COMMD10: variants seen among roughly 807,000 people sequenced by gnomAD.
COMMD10 encodes COMM domain containing 10.
Under a neutral mutation model 28.9 loss-of-function variants are expected in COMMD10, and 33 were observed. The observed-to-expected ratio is 1.14, with a 90% CI of 0.87 to 1.53. COMMD10 has a LOEUF of 1.53. COMMD10 is among the 40% of genes most tolerant of loss of function. COMMD10 has a pLI of 0.00. For synonymous variants in COMMD10, 110 were observed against 81.7 expected, an observed-to-expected ratio of 1.35 and a Z score of -1.87; for missense variants, 310 against 233.4, an observed-to-expected ratio of 1.33 and a Z score of -2.14.
chr5:116,222,809 A>G (rs528151762), intron 5 of COMMD10, among the ~76,000 whole-genome samples: 6 of 152,222 alleles, frequency 3.9e-5, no homozygotes, highest in Non-Finnish European at 7.4e-5. Context: ...CTCCTGCCTC[A>G]GCCTCCCAAG....
At chr5:116,106,897 A>T (rs936319802) in intron 4 of COMMD10, among the ~76,000 whole-genome samples, 2 of 152,108 alleles carry the variant, frequency 1.3e-5, no homozygotes, top group African/African-American at 4.8e-5. Context: ...GGTCTCCTGA[A>T]TACAGCACAC....
chr5:116,209,991 C>G (rs571423450), intron 5 of COMMD10, among the ~76,000 whole-genome samples: 54 of 152,278 alleles, frequency 3.5e-4, no homozygotes, highest in African/African-American at 1.2e-3. Context: ...ATGCTGGCAT[C>G]TGGTAAGGGC....
intron 5 of COMMD10, among the ~76,000 whole-genome samples, chr5:116,222,057 G>T (rs1008782111): frequency 6.6e-6 from 1 of 152,170 alleles, no homozygotes; most frequent in African/African-American, 2.4e-5. Flanking sequence ...AAGTGTATAT[G>T]TTCCAAATAG....
chr5:116,172,135 G>C (rs533117909), intron 5 of COMMD10, among the ~76,000 whole-genome samples: 1 of 152,212 alleles, frequency 6.6e-6, no homozygotes, highest in South Asian at 2.1e-4. Context: ...CTTTATTATA[G>C]TACATATGGT....
chr5:116,098,878 T>A (rs1451412799), intron 4 of COMMD10, among the ~76,000 whole-genome samples: 2 of 152,222 alleles, frequency 1.3e-5, no homozygotes, highest in Non-Finnish European at 2.9e-5. Flanking sequence ...AATGTGATGA[T>A]TTGATAGCTG....
At chr5:116,282,408 T>G (rs1751095169) in intron 5 of COMMD10, among the ~76,000 whole-genome samples, 1 of 151,934 alleles carries the variant, frequency 6.6e-6, no homozygotes, top group African/African-American at 2.4e-5. Context: ...CTAATTCATT[T>G]CCAAATAAAA....
intron 5 of COMMD10, among the ~76,000 whole-genome samples, chr5:116,251,284 T>TTATA (rs1206612146): frequency 6.7e-6 from 1 of 148,324 alleles, no homozygotes; most frequent in African/African-American, 2.4e-5. Context: ...ATTTATTTAT[T>TTATA]TATTTATTTA....
At chr5:116,105,336 G>C (rs1407100890) in intron 4 of COMMD10, among the ~76,000 whole-genome samples, 1 of 152,190 alleles carries the variant, frequency 6.6e-6, no homozygotes, top group Admixed American at 6.5e-5. Flanking sequence ...TAAGCTATTT[G>C]ATGTGCTGCT....
intron 5 of COMMD10, among the ~76,000 whole-genome samples, chr5:116,291,088 G>GT (rs1326108558): frequency 6.6e-6 from 1 of 152,168 alleles, no homozygotes; most frequent in East Asian, 1.9e-4. Flanking sequence ...CTTGGAGGCA[G>GT]TAGCTGTGCT....
chr5:116,220,455 A>G (rs768354847), intron 5 of COMMD10, among the ~76,000 whole-genome samples: 3 of 152,024 alleles, frequency 2.0e-5, no homozygotes, highest in Non-Finnish European at 4.4e-5. Context: ...AGAGGTGAAC[A>G]TCGTAGATAA....
chr5:116,145,556 A>G lies in COMMD10; in HGVS notation c.510+11378A>G, dbSNP rs150961848. On this transcript the variant is annotated intron_variant, in intron 5 of 6. Coordinates refer to ENST00000274458, the MANE Select transcript of COMMD10 (RefSeq NM_016144.4). Reference sequence around the variant, plus strand: ...TCGGGGCAGGGTGGTAAGTGATGAGAGGGAGAAACTATCTAGAAATATGCT... The same window carrying G: ...TCGGGGCAGGGTGGTAAGTGATGAGGGGGAGAAACTATCTAGAAATATGCT... Among the ~76,000 whole-genome samples the G allele has an allele frequency of 9.2e-5, 14 of 151,870 alleles. No individual in the cohort carries two copies. In the East Asian group the frequency reaches 2.7e-3, roughly 30 times the overall value.
chr5:116,254,167 G>A (rs1004488969), intron 5 of COMMD10, among the ~76,000 whole-genome samples: 32 of 151,732 alleles, frequency 2.1e-4, no homozygotes, highest in African/African-American at 6.3e-4. Context: ...TTTTTATTGC[G>A]TCTATTTGAT....
In COMMD10 at chr5:116,237,158, T is replaced by C. The variant is rs192486597; in HGVS notation, c.511-54359T>C. Reference sequence around the variant, plus strand: ...CTAGTACAAGGATCCTAAAGCAGAATGTCTCTGATATGTTTGATGAACAGC... The same window carrying C: ...CTAGTACAAGGATCCTAAAGCAGAACGTCTCTGATATGTTTGATGAACAGC... On this transcript the variant is annotated intron_variant, in intron 5 of 6. Transcript: ENST00000274458. Among the ~76,000 whole-genome samples, 19 of 152,210 alleles carry C rather than the reference T, an allele frequency of 1.2e-4. No individual in the cohort carries two copies. In the East Asian group the frequency reaches 3.5e-3, roughly 28 times the overall value.
At chr5:116,104,106 C>G (rs1337626425) in intron 4 of COMMD10, among the ~76,000 whole-genome samples, 1 of 152,148 alleles carries the variant, frequency 6.6e-6, no homozygotes, top group Non-Finnish European at 1.5e-5. Context: ...TGTTCTTTTG[C>G]TTAGGATTGT....
chr5:116,218,038 A>T lies in COMMD10; in HGVS notation c.511-73479A>T, dbSNP rs556515770. 42 of 1,101,514 alleles carry T rather than the reference A, an allele frequency of 3.8e-5. No individual in the cohort carries two copies. In the African/African-American group the frequency reaches 4.7e-4, roughly 12 times the overall value. The allele number at this position is 1,101,514 out of a possible 1,614,324, so 68.2% of individuals were successfully genotyped here. On this transcript the variant is annotated intron_variant, in intron 5 of 6. Transcript: ENST00000274458. ...TGCACACACTTCTCTTGGCACCTCC[A>T]GCACCTTCAGCTTTCTGTGCCTGAT... is the stretch of plus-strand genomic sequence containing the variant.
chr5:116,099,025 A>G (rs1489015937), intron 4 of COMMD10, among the ~76,000 whole-genome samples: 1 of 152,128 alleles, frequency 6.6e-6, no homozygotes, highest in African/African-American at 2.4e-5. Flanking sequence ...AAAGTAAACA[A>G]CGTGGTATTA....
chr5:116,256,656 T>G lies in COMMD10; in HGVS notation c.511-34861T>G, dbSNP rs369129613. Among the ~76,000 whole-genome samples, 43 of 151,984 alleles carry G rather than the reference T, an allele frequency of 2.8e-4. 1 individual carries two copies. In the South Asian group the frequency reaches 8.3e-3, roughly 29 times the overall value. On this transcript the variant is annotated intron_variant, in intron 5 of 6. Transcript: ENST00000274458. Reference sequence around the variant, plus strand: ...TGGATTTTTTCATATTTTGTAATGTTTTCATACACGTAATGAGATATGTTG... The same window carrying G: ...TGGATTTTTTCATATTTTGTAATGTGTTCATACACGTAATGAGATATGTTG...
intron 4 of COMMD10, among the ~76,000 whole-genome samples, chr5:116,122,003 T>A (rs1183969747): frequency 1.3e-5 from 2 of 152,088 alleles, no homozygotes; most frequent in African/African-American, 4.8e-5. Context: ...TCCATTTGAC[T>A]ATTTTGGCTT....
At chr5:116,200,304 T>C (rs1748632701) in intron 5 of COMMD10, among the ~76,000 whole-genome samples, 1 of 152,062 alleles carries the variant, frequency 6.6e-6, no homozygotes, top group South Asian at 2.1e-4. Flanking sequence ...TTATCTTTGC[T>C]CCTCTGTAAG....
Sources: allele counts gnomAD v4.1 joint callset (sites outside exome capture counted in the v4.1 genomes callset), GRCh38; gene constraint gnomAD v4.1.1; transcripts MANE v1.5; gene names NCBI Gene and HGNC (gene_info 2026-07-23, HGNC 2026-07-21).